The following CCDC7 variants were observed in gnomAD, a reference collection of about 807,000 sequenced individuals.
CCDC7 encodes the protein coiled-coil domain containing 7.
Under a neutral mutation model 196.9 loss-of-function variants are expected in CCDC7, and 183 were observed. The ratio of observed to expected loss-of-function variants is 0.93; its 90% CI spans 0.82 to 1.05. CCDC7 has a LOEUF of 1.05. Ranked by LOEUF, CCDC7 falls within the 50% of genes least tolerant of loss-of-function variation. CCDC7 has a pLI of 0.00. For synonymous variants in CCDC7, 525 were observed against 484.6 expected, an observed-to-expected ratio of 1.08 and a Z score of -1.10; for missense variants, 1,540 against 1,482.2, an observed-to-expected ratio of 1.04 and a Z score of -0.64.
chr10:32,500,236 C>A (rs1410463490), intron 9 of CCDC7, among the ~76,000 whole-genome samples: 3 of 151,338 alleles, frequency 2.0e-5, no homozygotes, highest in African/African-American at 7.3e-5. Flanking sequence ...GGGGCTGCCC[C>A]CCGACCTCCT....
intron 1 of CCDC7, among the ~76,000 whole-genome samples, chr10:32,453,014 A>T (rs191116197): frequency 1.3e-5 from 2 of 152,102 alleles, no homozygotes; most frequent in Non-Finnish European, 2.9e-5. Flanking sequence ...TTCAGAGGAG[A>T]AAGTCAAGGC....
At chr10:32,645,314 T>A (rs961848252) in intron 20 of CCDC7, among the ~76,000 whole-genome samples, 2 of 152,118 alleles carry the variant, frequency 1.3e-5, no homozygotes, top group African/African-American at 4.8e-5. Context: ...GTTAATGTGA[T>A]GTGTCACATT....
intron 3 of CCDC7, among the ~76,000 whole-genome samples, chr10:32,461,711 A>G (rs3123647): frequency 0.52 from 28,070 of 54,456 alleles, 5,649 homozygotes; most frequent in Non-Finnish European, 0.61. Context: ...GTGTGTGTGT[A>G]TATATATATA....
chr10:32,676,354 C>G (rs2074970085), intron 21 of CCDC7, among the ~76,000 whole-genome samples: 1 of 151,896 alleles, frequency 6.6e-6, no homozygotes, highest in Admixed American at 6.6e-5. Context: ...GGCAACAAAG[C>G]CAAAATTGAC....
downstream of CCDC7, chr10:32,877,004 T>C (rs2094613949): frequency 6.6e-6 from 1 of 152,092 alleles, no homozygotes; most frequent in African/African-American, 2.4e-5. Flanking sequence ...GCCTTAAATT[T>C]TCCTATTTTT....
chr10:32,544,143 A>C (rs1035299297), intron 12 of CCDC7, 104 bp from the exon 14 acceptor site: 1 of 980,416 alleles, frequency 1.0e-6, no homozygotes, highest in Non-Finnish European at 1.5e-6. Context: ...TTTTTTAAAA[A>C]AACTTCATTA....
chr10:32,487,485 C>T (rs967746971), intron 8 of CCDC7, among the ~76,000 whole-genome samples: 5 of 152,296 alleles, frequency 3.3e-5, no homozygotes, highest in Non-Finnish European at 5.9e-5. Context: ...TCTCTCAACT[C>T]GTCGAAGTCA....
At chr10:32,830,119 A>T (rs374972707) in intron 32 of CCDC7, among the ~76,000 whole-genome samples, 1 of 12,860 alleles carries the variant, frequency 7.8e-5, no homozygotes, top group Non-Finnish European at 4.1e-4. Flanking sequence ...TATATATATA[A>T]GGATATATAT....
chr10:32,796,265 T>A (rs1039237594), intron 29 of CCDC7, among the ~76,000 whole-genome samples: 1 of 152,182 alleles, frequency 6.6e-6, no homozygotes, highest in South Asian at 2.1e-4. Context: ...TCTTTATGGC[T>A]TTCTGTGGGG....
intron 9 of CCDC7, chr10:32,513,652 A>G (rs987677682): frequency 3.3e-5 from 5 of 152,214 alleles, no homozygotes; most frequent in African/African-American, 1.2e-4. Flanking sequence ...ATTATCTATG[A>G]TGAACATGTG....
chr10:32,731,529 A>C, intron 28 of CCDC7, among the ~76,000 whole-genome samples: 1 of 152,120 alleles, frequency 6.6e-6, no homozygotes, highest in Non-Finnish European at 1.5e-5. Flanking sequence ...GAATTATTCA[A>C]TGTGTCACAT....
At chr10:32,852,086 A>G (rs186901852) in intron 40 of CCDC7, among the ~76,000 whole-genome samples, 154 bp downstream of exon 41, 4 of 152,312 alleles carry the variant, frequency 2.6e-5, no homozygotes, top group Non-Finnish European at 4.4e-5. Flanking sequence ...ACATTTGTTC[A>G]TTCTTAGCAA....
chr10:32,444,203 A>G (rs1462503977), upstream of CCDC7, among the ~76,000 whole-genome samples: 9 of 152,208 alleles, frequency 5.9e-5, no homozygotes, highest in Admixed American at 5.9e-4. Flanking sequence ...ACTATTGAAA[A>G]TGATGTTAGC....
At chr10:32,809,484 A>T (rs1009085700) in intron 30 of CCDC7, among the ~76,000 whole-genome samples, 1 of 152,206 alleles carries the variant, frequency 6.6e-6, no homozygotes, top group African/African-American at 2.4e-5. Context: ...CCCATCTGAC[A>T]AAGGGCTAAT....
chr10:32,671,310 A>G (rs2074017948), intron 21 of CCDC7, among the ~76,000 whole-genome samples: 1 of 152,196 alleles, frequency 6.6e-6, no homozygotes, highest in Admixed American at 6.5e-5. Context: ...CTGTTTAGAT[A>G]TACAAATATT....
intron 28 of CCDC7, among the ~76,000 whole-genome samples, chr10:32,737,117 C>G (rs1473528631): frequency 6.6e-6 from 1 of 152,038 alleles, no homozygotes; most frequent in Non-Finnish European, 1.5e-5. Context: ...TCTTATTGAT[C>G]ATATAATTTT....
rs369540052 is a variant in CCDC7, at chr10:32,818,717, G to A, written c.3181+4264G>A. Among the ~76,000 whole-genome samples, 56 of 152,202 alleles carry A rather than the reference G, an allele frequency of 3.7e-4. No individual in the cohort carries two copies. The East Asian group carries it at 9.5e-3, about 26-fold the overall frequency. ...AACAACCTGCTCCTGAATGACTACTGGGTACATAACGAAATGAAGGCAGAA... is the reference window on the plus strand; with the variant it reads ...AACAACCTGCTCCTGAATGACTACTAGGTACATAACGAAATGAAGGCAGAA... On this transcript the variant is annotated intron_variant, in intron 31 of 41. Coordinates refer to ENST00000639629, the Ensembl canonical transcript of CCDC7.
intron 8 of CCDC7, among the ~76,000 whole-genome samples, chr10:32,482,559 A>G (rs2040181375): frequency 6.6e-6 from 1 of 152,146 alleles, no homozygotes. Context: ...CAGGTTAGTT[A>G]CATATGTATA....
intron 31 of CCDC7, among the ~76,000 whole-genome samples, chr10:32,819,767 C>CT (rs2089750949): frequency 6.6e-6 from 1 of 152,024 alleles, no homozygotes; most frequent in Admixed American, 6.5e-5. Context: ...AATTCAACAA[C>CT]CTTCATGCTA....
Sources: gnomAD v4.1 joint callset for allele counts (sites outside exome capture counted in the v4.1 genomes callset) on GRCh38, gnomAD v4.1.1 for gene constraint, MANE v1.5 for transcripts, NCBI Gene and HGNC (gene_info 2026-07-23, HGNC 2026-07-21) for gene names.